Variants in LDLRAD4 observed in about 807,000 individuals in gnomAD.
The protein encoded by LDLRAD4 is low density lipoprotein receptor class A domain containing 4, also known as low-density lipoprotein receptor class A domain-containing protein 4.
A neutral mutation model predicts 17.0 loss-of-function variants in LDLRAD4; 5 were observed. That is an observed-to-expected ratio of 0.29 (90% CI 0.15 to 0.62). The LOEUF (loss-of-function observed/expected upper bound fraction) is 0.62. Among genes scored for constraint, LDLRAD4 ranks in the 20% least tolerant of loss-of-function variants. The pLI is 0.84. For synonymous variants in LDLRAD4, 168 were observed against 171.8 expected (o/e 0.98, Z 0.17); for missense variants, 340 against 424.7 (o/e 0.80, Z 1.75).
At chr18:13,501,337 TGA>T (rs1380196726) in intron 3 of LDLRAD4, 1 of 152,186 alleles carries the variant, frequency 6.6e-6, no homozygotes, top group East Asian at 1.9e-4. Flanking sequence ...GTCCTGCCAG[TGA>T]GAGAGATTTT....
rs2088556478 is a variant in LDLRAD4 at position 13,413,322 on chromosome 18, A to G, written c.41-24922A>G. Among the ~76,000 whole-genome samples the G allele has an allele frequency of 2.6e-5, 4 of 152,356 alleles. No individual in the cohort carries two copies. In the South Asian group the frequency reaches 8.3e-4, roughly 32 times the overall value. ...CGTGTTCACTACTCACTGACATGTA[A>G]TTGGTCAACTGTTCGTAAATTCCGG... On this transcript the variant is annotated intron_variant, in intron 2 of 5. Coordinates refer to ENST00000359446, the Ensembl canonical transcript of LDLRAD4.
intron 2 of LDLRAD4, among the ~76,000 whole-genome samples, chr18:13,397,655 C>A (rs2086809327): frequency 6.6e-6 from 1 of 152,152 alleles, no homozygotes; most frequent in Non-Finnish European, 1.5e-5. Flanking sequence ...CTGTAGAGCC[C>A]TAGAGCAGCA....
At chr18:13,539,061 G>A (rs990327700) in intron 3 of LDLRAD4, among the ~76,000 whole-genome samples, 1 of 151,630 alleles carries the variant, frequency 6.6e-6, no homozygotes, top group Admixed American at 6.6e-5. Context: ...CCCTCCCCTC[G>A]TTACAAAGAA....
intron 1 of LDLRAD4, among the ~76,000 whole-genome samples, chr18:13,272,616 T>G (rs1441578536): frequency 6.6e-6 from 1 of 152,244 alleles, no homozygotes; most frequent in African/African-American, 2.4e-5. Flanking sequence ...TCCTCGAATC[T>G]GAAAGGCGCT....
chr18:13,529,187 C>T (rs1439281965), intron 3 of LDLRAD4, among the ~76,000 whole-genome samples: 1 of 152,210 alleles, frequency 6.6e-6, no homozygotes, highest in African/African-American at 2.4e-5. Flanking sequence ...CCCCAGCCAC[C>T]CCCTCATTTG....
At chr18:13,506,873 G>A (rs1291874851) in intron 3 of LDLRAD4, among the ~76,000 whole-genome samples, 1 of 152,234 alleles carries the variant, frequency 6.6e-6, no homozygotes, top group Admixed American at 6.5e-5. Flanking sequence ...TTTGCATGGT[G>A]ATCTGCATGG....
At chr18:13,459,174 A>G (rs1356498244) in intron 3 of LDLRAD4, among the ~76,000 whole-genome samples, 43 of 107,650 alleles carry the variant, frequency 4.0e-4, no homozygotes, top group African/African-American at 1.8e-3. Flanking sequence ...AAAAAAAAAA[A>G]AAAAAAAAAA....
chr18:13,374,712 G>A (rs1225777304), intron 1 of LDLRAD4, among the ~76,000 whole-genome samples: 1 of 152,158 alleles, frequency 6.6e-6, no homozygotes, highest in Admixed American at 6.5e-5. Flanking sequence ...CCAGGAGTGG[G>A]ACCCGTGCTC....
At chr18:13,338,645 A>C (rs775813334) in intron 1 of LDLRAD4, among the ~76,000 whole-genome samples, 41 of 152,234 alleles carry the variant, frequency 2.7e-4, no homozygotes, top group Admixed American at 3.9e-4. Flanking sequence ...TCAGTTTCTA[A>C]AAATCACTGG....
intron 2 of LDLRAD4, among the ~76,000 whole-genome samples, chr18:13,394,651 A>G (rs2086520187): frequency 6.6e-6 from 1 of 152,188 alleles, no homozygotes; most frequent in African/African-American, 2.4e-5. Context: ...GTGACTGCTC[A>G]TTGCTGGGTG....
At chr18:13,606,275 T>G (rs1272089517) in intron 3 of LDLRAD4, among the ~76,000 whole-genome samples, 1 of 152,250 alleles carries the variant, frequency 6.6e-6, no homozygotes, top group African/African-American at 2.4e-5. Flanking sequence ...TTAGCCATTA[T>G]GAAAATCTAT....
intron 1 of LDLRAD4, among the ~76,000 whole-genome samples, chr18:13,370,951 T>G (rs964934109): frequency 6.6e-6 from 1 of 152,046 alleles, no homozygotes; most frequent in Non-Finnish European, 1.5e-5. Flanking sequence ...CCTCATGATC[T>G]CCCTGCTTCG....
At chr18:13,624,786 A>G (rs2040976953) in intron 4 of LDLRAD4, among the ~76,000 whole-genome samples, 1 of 152,160 alleles carries the variant, frequency 6.6e-6, no homozygotes, top group Admixed American at 6.5e-5. Context: ...TCAGCATGGC[A>G]GGGAGGGCCC....
chr18:13,296,807 G>C (rs781555434), intron 1 of LDLRAD4, among the ~76,000 whole-genome samples: 3 of 152,172 alleles, frequency 2.0e-5, no homozygotes, highest in Non-Finnish European at 4.4e-5. Context: ...TCCTTTGTGT[G>C]CATTTCTTTT....
intron 1 of LDLRAD4, among the ~76,000 whole-genome samples, chr18:13,352,668 T>C (rs1450438208): frequency 1.3e-5 from 2 of 152,192 alleles, no homozygotes; most frequent in Non-Finnish European, 2.9e-5. Flanking sequence ...CTTCAAATAA[T>C]ATCTTCCTCT....
At chr18:13,539,342 C>T (rs952476893) in intron 3 of LDLRAD4, among the ~76,000 whole-genome samples, 1 of 152,194 alleles carries the variant, frequency 6.6e-6, no homozygotes, top group Non-Finnish European at 1.5e-5. Context: ...GGTAATTGCT[C>T]AGTCCCTAAA....
At chr18:13,376,425 C>T (rs2084916776) in intron 1 of LDLRAD4, among the ~76,000 whole-genome samples, 1 of 152,212 alleles carries the variant, frequency 6.6e-6, no homozygotes, top group African/African-American at 2.4e-5. Context: ...GCGTCAGCTG[C>T]CAAGCATGGC....
chr18:13,515,248 A>G (rs1193488831), intron 3 of LDLRAD4: 1 of 152,210 alleles, frequency 6.6e-6, no homozygotes, highest in African/African-American at 2.4e-5. Context: ...CATTGGTTTT[A>G]AAGAAACCAA....
rs547250220 is a variant in LDLRAD4 at position 13,324,431 on chromosome 18, C to T, written c.-383+46243C>T. 5.3e-5 allele frequency among the ~76,000 whole-genome samples: 8 copies of T among 152,232 alleles called. No individual in the cohort carries two copies. In the South Asian group the frequency reaches 8.3e-4, roughly 16 times the overall value. On this transcript the variant is annotated intron_variant, in intron 1 of 5. Transcript: ENST00000359446. ...TGCTGGGATTACAGGCATGAGCCAC[C>T]GCGCCTGGCCTCAAGTGTCTATTTT...
Sources: allele counts gnomAD v4.1 joint callset (sites outside exome capture counted in the v4.1 genomes callset), GRCh38; gene constraint gnomAD v4.1.1; transcripts MANE v1.5; gene names NCBI Gene and HGNC (gene_info 2026-07-23, HGNC 2026-07-21).